COMMD7: variants seen among roughly 807,000 people sequenced by gnomAD.
The protein encoded by COMMD7 is COMM domain-containing protein 7.
COMMD7 carries 28 observed loss-of-function variants against 34.8 expected under a neutral mutation model. That is an observed-to-expected ratio of 0.80 (90% CI 0.60 to 1.10). The LOEUF (loss-of-function observed/expected upper bound fraction) is 1.10. COMMD7 is among the 50% of genes least tolerant of loss of function. COMMD7 has a pLI of 0.00. For synonymous variants in COMMD7, 80 were observed against 86.4 expected, an observed-to-expected ratio of 0.93 and a Z score of 0.41; for missense variants, 211 against 241.6, an observed-to-expected ratio of 0.87 and a Z score of 0.84.
At chr20:32,707,476 C>A (rs911612189) in intron 3 of COMMD7, among the ~76,000 whole-genome samples, 6 of 151,532 alleles carry the variant, frequency 4.0e-5, no homozygotes, top group African/African-American at 1.2e-4. Flanking sequence ...TGCGCCACCA[C>A]ACCAAACCAA....
chr20:32,713,007 C>T (rs1450016703), intron 3 of COMMD7, among the ~76,000 whole-genome samples: 2 of 151,554 alleles, frequency 1.3e-5, no homozygotes, highest in Non-Finnish European at 2.9e-5. Flanking sequence ...GCTGGGATTA[C>T]AGGCGTGAGC....
rs140188407 is a variant in COMMD7 at position 32,727,928 on chromosome 20, C to T, written c.206G>A (p.Arg69Lys). 4.0e-5 allele frequency: 65 copies of T among 1,614,142 alleles called. No homozygotes were observed. In the African/African-American group the frequency reaches 8.0e-4, roughly 20 times the overall value. ...CAGAAGGAGGCTTTTCACGATGCTT[C>T]TGAGGGAGCCAAGACTGATCTGATT... ...TTNQISLGSL[R>K]SIVKSLLLVP... The change falls in exon 3 of 9, where the codon AGA (arginine) becomes AAA (lysine). Residue 69 changes from arginine to lysine, a missense_variant. Physicochemically the swap from Arg to Lys is conservative, Grantham distance 26. Coordinates refer to ENST00000278980, the MANE Select transcript of COMMD7 (RefSeq NM_053041.3).
Position 32,704,864 on chromosome 20 carries a change from C to G in COMMD7, c.377G>C (p.Gly126Ala), listed in dbSNP as rs375890178. ...GAGCTGGTTAATCATCAGAGTCTGACCTATGGCCCATCGAGCAAGGGTGGG... is the reference window on the plus strand; with the variant it reads ...GAGCTGGTTAATCATCAGAGTCTGAGCTATGGCCCATCGAGCAAGGGTGGG... ...NAPTLARWAI[G>A]QTLMINQLID... Residue 126 changes from glycine to alanine, a missense_variant, in exon 6 of 9, where the codon GGT (glycine) becomes GCT (alanine). Physicochemically the swap from Gly to Ala is moderately conservative, Grantham distance 60. Transcript: ENST00000278980. 3.7e-6 allele frequency: 6 copies of G among 1,614,090 alleles called. No homozygotes were observed. The highest frequency in any genetic ancestry group is 4.2e-6 in the Non-Finnish European group (5 of 1,180,004).
chr20:32,727,185 C>G (rs2145761739), intron 3 of COMMD7, among the ~76,000 whole-genome samples: 1 of 151,628 alleles, frequency 6.6e-6, no homozygotes, highest in South Asian at 2.1e-4. Context: ...TATGATTGCA[C>G]CACTGTATTC....
At chr20:32,721,301 C>G (rs1485374395) in intron 3 of COMMD7, among the ~76,000 whole-genome samples, 2 of 152,040 alleles carry the variant, frequency 1.3e-5, no homozygotes, top group African/African-American at 4.8e-5. Context: ...TAGGAAGATC[C>G]TGACTCTATT....
chr20:32,704,496 CAAA>C lies in COMMD7; in HGVS notation c.428-10_428-8del, dbSNP rs59379723. 9.3e-3 allele frequency: 12,807 copies of C among 1,376,836 alleles called. 51 individuals are homozygous for C. The highest frequency in any genetic ancestry group is 0.057 in the African/African-American group (3,629 of 63,432). 85.3% of individuals were successfully genotyped at this position (1,376,836 alleles called of 1,614,324 possible). A position where few individuals can be genotyped will look rare whatever the true frequency, so the allele number is the denominator to read the frequency against. On this transcript the variant is annotated splice_polypyrimidine_tract_variant and splice_region_variant and intron_variant, in intron 6 of 8. Coordinates refer to ENST00000278980, the MANE Select transcript of COMMD7 (RefSeq NM_053041.3). ...TCGCTGCTCCCAGATGTCACTGTGACAAAAAAAAAAAAAAAGAGAGAGAGAGAG... is the reference window on the plus strand; with the variant it reads ...TCGCTGCTCCCAGATGTCACTGTGACAAAAAAAAAAAAGAGAGAGAGAGAG...
chr20:32,734,665 C>T (rs192680020), intron 1 of COMMD7, among the ~76,000 whole-genome samples: 22 of 152,234 alleles, frequency 1.4e-4, no homozygotes, highest in Admixed American at 7.2e-4. Context: ...CAGCGGCTCA[C>T]GCCTGTAATC....
At chr20:32,742,775 C>T (rs1474424514) in intron 1 of COMMD7, among the ~76,000 whole-genome samples, 1 of 152,108 alleles carries the variant, frequency 6.6e-6, no homozygotes, top group African/African-American at 2.4e-5. Context: ...ACACTCATGT[C>T]ACACTGAGAT....
intron 1 of COMMD7, among the ~76,000 whole-genome samples, chr20:32,738,226 AG>A (rs1986250299): frequency 6.6e-6 from 1 of 152,104 alleles, no homozygotes; most frequent in Non-Finnish European, 1.5e-5. Context: ...TCTGGGCTTA[AG>A]GGATTCTCCT....
intron 5 of COMMD7, among the ~76,000 whole-genome samples, chr20:32,706,235 C>T (rs1200016424): frequency 2.7e-5 from 4 of 150,700 alleles, no homozygotes; most frequent in Non-Finnish European, 5.9e-5. Context: ...AGAAAGAGGT[C>T]GAGCACAGTA....
intron 1 of COMMD7, among the ~76,000 whole-genome samples, chr20:32,742,930 T>C (rs1027971846): frequency 6.6e-6 from 1 of 152,008 alleles, no homozygotes; most frequent in Non-Finnish European, 1.5e-5. Context: ...ACGCCCTTAG[T>C]CTGTTCCTTC....
intron 1 of COMMD7, among the ~76,000 whole-genome samples, chr20:32,736,339 A>T (rs1986128007): frequency 6.6e-6 from 1 of 152,304 alleles, no homozygotes; most frequent in East Asian, 1.9e-4. Flanking sequence ...GACTCAGGTA[A>T]GTTGCTTATT....
intron 3 of COMMD7, among the ~76,000 whole-genome samples, chr20:32,708,374 C>T (rs1984223103): frequency 6.6e-6 from 1 of 152,100 alleles, no homozygotes; most frequent in Non-Finnish European, 1.5e-5. Context: ...CAACTCACTC[C>T]AGAAAAACAA....
intron 5 of COMMD7, among the ~76,000 whole-genome samples, chr20:32,705,375 TA>T (rs67012291): frequency 0.093 from 9,071 of 97,176 alleles, 367 homozygotes; most frequent in African/African-American, 0.17. Context: ...TATATATATA[TA>T]TTTTTTTTTT....
At chr20:32,704,387 T>G in intron 7 of COMMD7, 53 bp downstream of exon 7, 2 of 1,540,388 alleles carry the variant, frequency 1.3e-6, no homozygotes, top group Non-Finnish European at 1.8e-6. Context: ...GTAGATATAA[T>G]TTTTAACCAA....
At position 32,703,206 on chromosome 20, in the gene COMMD7, C is replaced by T; in HGVS notation, c.*176G>A. 1 of 528,854 alleles carries T rather than the reference C, an allele frequency of 1.9e-6. No individual in the cohort carries two copies. Among genetic ancestry groups the T allele is most frequent in the African/African-American group, 1.9e-5 (1 of 51,774 alleles). 32.8% of individuals were successfully genotyped at this position (528,854 alleles called of 1,614,324 possible). ...GAGTTTACAGGGTAATTGTGTTGGG[C>T]TCTTTCAGTACTTAATCCTGCTGTT... On this transcript the variant is annotated 3_prime_UTR_variant, in exon 9 of 9. Coordinates refer to ENST00000278980, the MANE Select transcript of COMMD7 (RefSeq NM_053041.3).
chr20:32,703,534 G>A (rs1600958335), intron 8 of COMMD7, 76 bp from the exon 9 acceptor site: 21 of 1,553,034 alleles, frequency 1.4e-5, no homozygotes, highest in East Asian at 6.8e-5. Context: ...ATTTCCACCC[G>A]GAGGATTTTT....
chr20:32,704,670 A>G (rs1437282571), intron 6 of COMMD7, 144 bp downstream of exon 6: 1 of 787,128 alleles, frequency 1.3e-6, no homozygotes, highest in African/African-American at 1.7e-5. Flanking sequence ...ACAGCTACTG[A>G]ATGTGGACAG....
In COMMD7 at chr20:32,743,116, C is replaced by T. The variant is rs547431345; in HGVS notation, c.84+192G>A. On this transcript the variant is annotated intron_variant, in intron 1 of 8. Coordinates refer to ENST00000278980, the MANE Select transcript of COMMD7 (RefSeq NM_053041.3). ...TAGGCCTCCGGAGATCCCTTGGCTC[C>T]CCACACTCTCCTCAGACCCCAGCTC... is the stretch of plus-strand genomic sequence containing the variant. 4.6e-5 allele frequency among the ~76,000 whole-genome samples: 7 copies of T among 152,198 alleles called. No homozygotes were observed. The South Asian group carries it at 1.5e-3, about 32-fold the overall frequency.
Sources: allele counts gnomAD v4.1 joint callset (sites outside exome capture counted in the v4.1 genomes callset), GRCh38; gene constraint gnomAD v4.1.1; transcripts MANE v1.5; gene names NCBI Gene and HGNC (gene_info 2026-07-23, HGNC 2026-07-21).